Variants in SLC23A2 observed in about 807,000 individuals in gnomAD.
The protein encoded by SLC23A2 is solute carrier family 23 member 2.
SLC23A2 carries 36 observed loss-of-function variants against 73.3 expected under a neutral mutation model. That is an observed-to-expected ratio of 0.49 (90% CI 0.38 to 0.65). The LOEUF is 0.65. SLC23A2 is among the 30% of genes least tolerant of loss of function. The pLI is 0.00. For missense variants in SLC23A2, 507 were observed against 841.6 expected (o/e 0.60, Z 4.92); for synonymous variants, 343 against 327.3 (o/e 1.05, Z -0.52).
chr20:4,896,855 G>A (rs1931545479), intron 6 of SLC23A2, among the ~76,000 whole-genome samples: 1 of 152,204 alleles, frequency 6.6e-6, no homozygotes, highest in African/African-American at 2.4e-5. Flanking sequence ...TAAGTCCCAA[G>A]CTCTGGCCTC....
intron 6 of SLC23A2, among the ~76,000 whole-genome samples, chr20:4,898,835 C>CACA (rs1209323871): frequency 3.3e-5 from 5 of 152,162 alleles, no homozygotes; most frequent in Non-Finnish European, 4.4e-5. Context: ...GAATAAAGGC[C>CACA]ACACTGGAAG....
intron 2 of SLC23A2, among the ~76,000 whole-genome samples, chr20:4,933,675 G>A (rs755225021): frequency 2.0e-5 from 3 of 152,024 alleles, no homozygotes; most frequent in Non-Finnish European, 4.4e-5. Context: ...TCCCTCCAAG[G>A]AATGGCATAC....
chr20:4,881,887 T>C lies in SLC23A2; in HGVS notation c.824+1755A>G, dbSNP rs146118462. ...CTGAGAGTGATTTTTAACACTTTTTTTTTTAAGCTTGTAAGTGCTTTGTGG... is the reference window on the plus strand; with the variant it reads ...CTGAGAGTGATTTTTAACACTTTTTCTTTTAAGCTTGTAAGTGCTTTGTGG... On this transcript the variant is annotated intron_variant, in intron 9 of 16. Transcript: ENST00000338244. 3.2e-4 allele frequency among the ~76,000 whole-genome samples: 49 copies of C among 152,342 alleles called. 1 individual carries two copies. In the East Asian group the frequency reaches 5.4e-3, roughly 17 times the overall value.
chr20:4,880,646 A>C (rs922063969), intron 9 of SLC23A2, among the ~76,000 whole-genome samples: 3 of 152,118 alleles, frequency 2.0e-5, no homozygotes, highest in Non-Finnish European at 4.4e-5. Context: ...AGAGTCCAGG[A>C]GGCTTCAGGA....
At chr20:4,960,122 A>C (rs1173921464) in intron 2 of SLC23A2, among the ~76,000 whole-genome samples, 1 of 152,206 alleles carries the variant, frequency 6.6e-6, no homozygotes, top group Non-Finnish European at 1.5e-5. Context: ...AATAGCCAAA[A>C]CCTGGAAACA....
At chr20:5,008,507 AAG>A (rs1190071330) in intron 1 of SLC23A2, among the ~76,000 whole-genome samples, 1 of 152,122 alleles carries the variant, frequency 6.6e-6, no homozygotes, top group Non-Finnish European at 1.5e-5. Flanking sequence ...CAGCTAATGG[AAG>A]TAACCTCTTA....
chr20:4,909,529 A>C (rs1472134864), intron 4 of SLC23A2, among the ~76,000 whole-genome samples: 1 of 152,162 alleles, frequency 6.6e-6, no homozygotes, highest in East Asian at 1.9e-4. Flanking sequence ...AGATAGCTTA[A>C]AGAGAATCCA....
At chr20:4,938,760 G>A (rs1315609837) in intron 2 of SLC23A2, among the ~76,000 whole-genome samples, 2 of 152,160 alleles carry the variant, frequency 1.3e-5, no homozygotes, top group Non-Finnish European at 2.9e-5. Context: ...AGGTGACTAT[G>A]GGGCCTATCC....
intron 9 of SLC23A2, among the ~76,000 whole-genome samples, chr20:4,881,071 C>T (rs987564148): frequency 2.6e-5 from 4 of 152,014 alleles, no homozygotes; most frequent in Non-Finnish European, 5.9e-5. Context: ...GGGGATGAGG[C>T]GAAAGGAAGA....
At chr20:4,867,991 C>A in intron 12 of SLC23A2, 116 bp from the exon 13 acceptor site, 1 of 581,514 alleles carries the variant, frequency 1.7e-6, no homozygotes, top group Non-Finnish European at 3.0e-6. Flanking sequence ...GCAGCTTCCA[C>A]ATCTCCTGGG....
chr20:4,968,157 G>A (rs2087503791), intron 2 of SLC23A2, among the ~76,000 whole-genome samples: 1 of 152,182 alleles, frequency 6.6e-6, no homozygotes, highest in African/African-American at 2.4e-5. Flanking sequence ...CAACCATAGA[G>A]CTGGGCAGGA....
chr20:4,920,865 G>C (rs902520125), intron 3 of SLC23A2, among the ~76,000 whole-genome samples: 2 of 152,134 alleles, frequency 1.3e-5, no homozygotes, highest in Non-Finnish European at 2.9e-5. Context: ...TTCCCTCAAA[G>C]TGCTATCAGA....
chr20:4,928,766 T>A lies in SLC23A2; in HGVS notation c.108+3689A>T, dbSNP rs139965375. Among the ~76,000 whole-genome samples the A allele has an allele frequency of 1.6e-3, 241 of 152,284 alleles. 2 individuals carry two copies. Among genetic ancestry groups the A allele is most frequent in the African/African-American group, 5.5e-3 (228 of 41,538 alleles). On this transcript the variant is annotated intron_variant, in intron 3 of 16. Coordinates refer to ENST00000338244, the MANE Select transcript of SLC23A2 (RefSeq NM_005116.6). ...ATCAACTTTATAATTAACATCATAT[T>A]TACACCCAACTATGGCTTACGTCCA...
At position 4,868,098 on chromosome 20, in the gene SLC23A2, T is replaced by A. The variant is rs867083134; in HGVS notation, c.1251-223A>T. Among the ~76,000 whole-genome samples the A allele has an allele frequency of 8.8e-4, 109 of 123,916 alleles. No individual in the cohort carries two copies. Among genetic ancestry groups the A allele is most frequent in the African/African-American group, 2.7e-3 (78 of 28,548 alleles). 81.3% of individuals were successfully genotyped at this position (123,916 alleles called of 152,430 possible). ...TTTTTTTTTTTTTTTTTTTTTTTTT[T>A]AGAGAGTGTCTCACTCCGTCACCTA... On this transcript the variant is annotated intron_variant, in intron 12 of 16. Transcript: ENST00000338244. The surrounding 1 kb of genome is among the most constrained non-coding windows in gnomAD (Gnocchi z 4.4).
intron 1 of SLC23A2, 122 bp downstream of exon 1, chr20:5,001,284 G>T (rs1349041050): frequency 6.8e-6 from 1 of 147,610 alleles, no homozygotes; most frequent in Non-Finnish European, 1.5e-5. Flanking sequence ...CCGCGGGGCC[G>T]GTGGGTGACA....
chr20:4,933,460 A>AT (rs1282329987), intron 2 of SLC23A2, among the ~76,000 whole-genome samples: 1 of 151,814 alleles, frequency 6.6e-6, no homozygotes, highest in African/African-American at 2.4e-5. Context: ...CTAAAAAAAA[A>AT]AATAATAATA....
chr20:4,879,124 C>G (rs544312365), intron 9 of SLC23A2, among the ~76,000 whole-genome samples: 11 of 152,242 alleles, frequency 7.2e-5, no homozygotes, highest in African/African-American at 2.6e-4. Flanking sequence ...TCCTTCTATA[C>G]AGCCAGGCAC....
intron 2 of SLC23A2, among the ~76,000 whole-genome samples, chr20:4,952,103 C>CAAAAAAAAAAAAA (rs57832305): frequency 4.9e-5 from 2 of 40,532 alleles, no homozygotes; most frequent in Non-Finnish European, 9.7e-5. Context: ...GACTCTGACT[C>CAAAAAAAAAAAAA]AAAAAAAAAA....
rs112831282 is a variant in SLC23A2 at position 4,860,595 on chromosome 20, G to A, written c.1625-1211C>T. ...CTAATACTGCTTGTGGCAACTCTAC[G>A]AAACATAACTTCATGAATAATGAGA... On this transcript the variant is annotated intron_variant, in intron 15 of 16. Coordinates refer to ENST00000338244, the MANE Select transcript of SLC23A2 (RefSeq NM_005116.6). 4.0e-3 allele frequency among the ~76,000 whole-genome samples: 610 copies of A among 152,228 alleles called. 4 individuals carry two copies. The highest frequency in any genetic ancestry group is 0.014 in the African/African-American group (581 of 41,526).
Sources: allele counts gnomAD v4.1 joint callset (sites outside exome capture counted in the v4.1 genomes callset), GRCh38; gene constraint gnomAD v4.1.1; non-coding constraint Gnocchi (gnomAD v3.1); transcripts MANE v1.5; gene names NCBI Gene and HGNC (gene_info 2026-07-23, HGNC 2026-07-21).